Variants in RSPO2 observed in about 807,000 individuals in gnomAD.
RSPO2 encodes the protein R-spondin 2.
A neutral mutation model predicts 30.9 loss-of-function variants in RSPO2; 14 were observed. The ratio of observed to expected loss-of-function variants is 0.45; its 90% CI spans 0.30 to 0.71. The LOEUF is 0.71. RSPO2 is among the 30% of genes least tolerant of loss of function. RSPO2 has a pLI of 0.08. For missense variants in RSPO2, 264 were observed against 301.9 expected (o/e 0.87, Z 0.93); for synonymous variants, 107 against 96.4 (o/e 1.11, Z -0.64).
intron 5 of RSPO2, among the ~76,000 whole-genome samples, chr8:107,913,665 C>A (rs1811890676): frequency 6.6e-6 from 1 of 152,102 alleles, no homozygotes; most frequent in African/African-American, 2.4e-5. Context: ...TATCTTGATA[C>A]TAAATATCTT....
chr8:108,065,973 G>A (rs866295043), intron 2 of RSPO2, among the ~76,000 whole-genome samples: 2 of 152,304 alleles, frequency 1.3e-5, no homozygotes, highest in African/African-American at 4.8e-5. Flanking sequence ...AGGAGGCAGA[G>A]GTTACAGTGA....
intron 2 of RSPO2, among the ~76,000 whole-genome samples, chr8:108,064,425 GTCA>G (rs746293214): frequency 6.6e-5 from 10 of 152,110 alleles, no homozygotes; most frequent in African/African-American, 1.7e-4. Context: ...TGAAAAAATG[GTCA>G]TCATCACTGG....
At chr8:108,018,107 C>T (rs537949709) in intron 2 of RSPO2, among the ~76,000 whole-genome samples, 3 of 151,304 alleles carry the variant, frequency 2.0e-5, no homozygotes. Flanking sequence ...AAAATTATAC[C>T]CTCATTTCAT....
At chr8:107,916,575 G>A (rs532292999) in intron 5 of RSPO2, among the ~76,000 whole-genome samples, 1 of 152,280 alleles carries the variant, frequency 6.6e-6, no homozygotes, top group South Asian at 2.1e-4. Flanking sequence ...AAGAAGGCAT[G>A]GGAATATGGC....
At chr8:107,953,387 A>G (rs1273190578) in intron 5 of RSPO2, among the ~76,000 whole-genome samples, 2 of 152,212 alleles carry the variant, frequency 1.3e-5, no homozygotes, top group African/African-American at 4.8e-5. Flanking sequence ...GGGCCTTCAC[A>G]GGGAAAGCTG....
intron 2 of RSPO2, among the ~76,000 whole-genome samples, chr8:108,062,309 AAG>A (rs1437056846): frequency 6.6e-6 from 1 of 151,880 alleles, no homozygotes; most frequent in Non-Finnish European, 1.5e-5. Context: ...CAAAGAAGAA[AAG>A]AGAGAAGAAT....
chr8:108,050,412 T>C (rs1050005326), intron 2 of RSPO2, among the ~76,000 whole-genome samples: 2 of 152,194 alleles, frequency 1.3e-5, no homozygotes, highest in Non-Finnish European at 2.9e-5. Flanking sequence ...ATTCTAAATA[T>C]CTATAGTTTA....
chr8:108,082,112 G>A (rs1462154183), intron 2 of RSPO2, among the ~76,000 whole-genome samples: 1 of 152,102 alleles, frequency 6.6e-6, no homozygotes, highest in Non-Finnish European at 1.5e-5. Context: ...CCGGGTTTGG[G>A]GCGCACGTGG....
intron 3 of RSPO2, among the ~76,000 whole-genome samples, chr8:107,982,729 G>C (rs921414099): frequency 6.6e-6 from 1 of 152,050 alleles, no homozygotes; most frequent in Admixed American, 6.6e-5. Flanking sequence ...CTCATATGAA[G>C]GTCAACAACT....
intron 3 of RSPO2, among the ~76,000 whole-genome samples, chr8:107,964,652 C>A (rs1472905528): frequency 6.6e-6 from 1 of 152,122 alleles, no homozygotes; most frequent in African/African-American, 2.4e-5. Flanking sequence ...AACTACAACC[C>A]CCTGCTCTGT....
At chr8:107,948,673 C>A (rs1813142228) in intron 5 of RSPO2, among the ~76,000 whole-genome samples, 1 of 152,032 alleles carries the variant, frequency 6.6e-6, no homozygotes, top group Non-Finnish European at 1.5e-5. Flanking sequence ...TCCTGGCTAA[C>A]ACGGTGAAAC....
At chr8:107,940,699 A>C (rs1445191878) in intron 5 of RSPO2, among the ~76,000 whole-genome samples, 1 of 152,188 alleles carries the variant, frequency 6.6e-6, no homozygotes, top group Non-Finnish European at 1.5e-5. Flanking sequence ...CTCAAAAACC[A>C]AAGAACTTGG....
intron 5 of RSPO2, among the ~76,000 whole-genome samples, chr8:107,910,510 G>C (rs1811788602): frequency 6.6e-6 from 1 of 152,130 alleles, no homozygotes; most frequent in Non-Finnish European, 1.5e-5. Flanking sequence ...TCCAGCCTGG[G>C]TGACAAAGCA....
Position 108,079,707 on chromosome 8 carries a change from A to T in RSPO2, c.94+2838T>A, listed in dbSNP as rs1010488261. On this transcript the variant is annotated intron_variant, in intron 2 of 5. Transcript: ENST00000276659. ...TCGCAGATGGAATATGGAAAAAAAA[A>T]AAAAAGAATCAGGTCCCAGGGGTAA... Among the ~76,000 whole-genome samples, 11 of 152,236 alleles carry T rather than the reference A, an allele frequency of 7.2e-5. 2 individuals are homozygous for T. The South Asian group carries it at 1.4e-3, about 20-fold the overall frequency.
intron 5 of RSPO2, among the ~76,000 whole-genome samples, chr8:107,908,368 A>G (rs1811718847): frequency 6.6e-6 from 1 of 152,206 alleles, no homozygotes; most frequent in South Asian, 2.1e-4. Flanking sequence ...CACATAGGTA[A>G]GCACAAACAA....
intron 2 of RSPO2, among the ~76,000 whole-genome samples, chr8:108,061,990 G>A (rs1251938577): frequency 1.3e-5 from 2 of 151,836 alleles, no homozygotes; most frequent in African/African-American, 4.9e-5. Flanking sequence ...AAACCAATGA[G>A]AACAAAGACA....
chr8:107,927,937 T>C (rs1248762242), intron 5 of RSPO2, among the ~76,000 whole-genome samples: 1 of 152,188 alleles, frequency 6.6e-6, no homozygotes, highest in Non-Finnish European at 1.5e-5. Flanking sequence ...AATTCTGTTT[T>C]GTTTACACCA....
chr8:108,054,120 G>A (rs1201773260), intron 2 of RSPO2, among the ~76,000 whole-genome samples: 3 of 152,182 alleles, frequency 2.0e-5, no homozygotes, highest in Non-Finnish European at 4.4e-5. Flanking sequence ...GTGATACAAT[G>A]TAAACAAGGC....
At chr8:107,955,594 T>C (rs1353459686) in intron 5 of RSPO2, among the ~76,000 whole-genome samples, 2 of 151,964 alleles carry the variant, frequency 1.3e-5, no homozygotes, top group Admixed American at 6.6e-5. Context: ...CAAATAAGCA[T>C]ATAACAGTTA....
Sources: gnomAD v4.1 joint callset for allele counts (sites outside exome capture counted in the v4.1 genomes callset) on GRCh38, gnomAD v4.1.1 for gene constraint, MANE v1.5 for transcripts, NCBI Gene and HGNC (gene_info 2026-07-23, HGNC 2026-07-21) for gene names.